PTGIS: variants seen among roughly 807,000 people sequenced by gnomAD.
PTGIS encodes the protein prostacyclin synthase.
A neutral mutation model predicts 50.3 loss-of-function variants in PTGIS; 45 were observed. The ratio of observed to expected loss-of-function variants is 0.90; its 90% CI spans 0.70 to 1.15. The LOEUF is 1.15. PTGIS is among the 50% of genes most tolerant of loss of function. The pLI is 0.00. For missense variants in PTGIS, 668 were observed against 661.3 expected (o/e 1.01, Z -0.11); for synonymous variants, 260 against 267.7 (o/e 0.97, Z 0.28).
intron 6 of PTGIS, among the ~76,000 whole-genome samples, chr20:49,523,702 C>T (rs1408416965): frequency 6.6e-6 from 1 of 152,048 alleles, no homozygotes; most frequent in East Asian, 1.9e-4. Flanking sequence ...TCACTTGAAC[C>T]TGGGAGGCGG....
At chr20:49,564,598 A>G (rs1982850200) in intron 1 of PTGIS, among the ~76,000 whole-genome samples, 1 of 152,184 alleles carries the variant, frequency 6.6e-6, no homozygotes, top group East Asian at 1.9e-4. Context: ...AAATCAAGGT[A>G]TAGGTACATG....
chr20:49,533,040 T>C lies in PTGIS; in HGVS notation c.673+6530A>G, dbSNP rs534468857. Among the ~76,000 whole-genome samples, 119 of 152,326 alleles carry C rather than the reference T, an allele frequency of 7.8e-4. 1 individual carries two copies. The highest frequency in any genetic ancestry group is 2.7e-3 in the African/African-American group (113 of 41,586). On this transcript the variant is annotated intron_variant, in intron 5 of 9. Transcript: ENST00000244043. ...CCCACCAATTTAAACCAGATTGGTG[T>C]ATCTGGTTTAAATCCCAGAGTCCCC...
Position 49,508,068 on chromosome 20 carries a change from CAG to C in PTGIS, c.1359-6_1359-5del. ...CACCAGCACAAGGAACACAAATCTG[CAG>C]AGAGATGGCATGGAAGGTGTGAAGG... On this transcript the variant is annotated splice_polypyrimidine_tract_variant and splice_region_variant and intron_variant, in intron 9 of 9. Coordinates refer to ENST00000244043, the MANE Select transcript of PTGIS (RefSeq NM_000961.4). 6.2e-7 allele frequency: 1 copy of C among 1,613,672 alleles called. No homozygotes were observed. The highest frequency in any genetic ancestry group is 1.3e-5 in the African/African-American group (1 of 75,042).
At chr20:49,560,090 A>AT (rs1483477973) in intron 1 of PTGIS, among the ~76,000 whole-genome samples, 58 of 151,992 alleles carry the variant, frequency 3.8e-4, no homozygotes, top group African/African-American at 1.1e-3. Context: ...CGCCCGGCCA[A>AT]TTTTTTGTAT....
chr20:49,509,535 T>G (rs939505226), intron 9 of PTGIS, among the ~76,000 whole-genome samples: 1 of 152,198 alleles, frequency 6.6e-6, no homozygotes, highest in Non-Finnish European at 1.5e-5. Flanking sequence ...GATTGATATA[T>G]TAGGGCACCA....
chr20:49,520,855 T>G (rs146104886), intron 6 of PTGIS, among the ~76,000 whole-genome samples: 93 of 152,128 alleles, frequency 6.1e-4, no homozygotes, highest in African/African-American at 2.2e-3. Context: ...AATAAGGTAG[T>G]TTTTGCAGAG....
intron 2 of PTGIS, among the ~76,000 whole-genome samples, chr20:49,549,706 G>A (rs1982456049): frequency 6.6e-6 from 1 of 152,202 alleles, no homozygotes; most frequent in Non-Finnish European, 1.5e-5. Flanking sequence ...AGGACGCTTA[G>A]TAGACACCAG....
chr20:49,548,133 A>C, intron 2 of PTGIS, 114 bp from the exon 3 acceptor site: 1 of 969,292 alleles, frequency 1.0e-6, no homozygotes, highest in Non-Finnish European at 1.6e-6. Context: ...GTAACACACT[A>C]TGTTCTCTTA....
At chr20:49,513,648 C>A (rs956797312) in intron 7 of PTGIS, among the ~76,000 whole-genome samples, 1 of 152,192 alleles carries the variant, frequency 6.6e-6, no homozygotes, top group Admixed American at 6.5e-5. Flanking sequence ...AGGGGTTAGA[C>A]TGCTGCTTCT....
chr20:49,507,042 C>T lies in PTGIS; in HGVS notation c.*878G>A, dbSNP rs1367550129. ...GGCATTTTTTTAAGTGAAGTCCAAA[C>T]AAAACACGTCTGCAGACTGGATCGT... On this transcript the variant is annotated 3_prime_UTR_variant, in exon 10 of 10. Transcript: ENST00000244043. 1.3e-5 allele frequency: 2 copies of T among 152,182 alleles called. No homozygotes were observed. The highest frequency in any genetic ancestry group is 1.9e-4 in the East Asian group (1 of 5,198). 9.4% of individuals were successfully genotyped at this position (152,182 alleles called of 1,614,324 possible).
chr20:49,539,530 C>T, intron 5 of PTGIS, 40 bp downstream of exon 5: 1 of 1,603,060 alleles, frequency 6.2e-7, no homozygotes, highest in South Asian at 1.1e-5. Flanking sequence ...TGGGTCTTTC[C>T]ATCCTCCCCC....
At chr20:49,554,241 C>A (rs558447820) in intron 1 of PTGIS, among the ~76,000 whole-genome samples, 10 of 152,156 alleles carry the variant, frequency 6.6e-5, no homozygotes, top group Non-Finnish European at 1.5e-5. Context: ...CAGGTCCTAA[C>A]TGTTGTAGCC....
chr20:49,518,624 C>T (rs1443185144), intron 6 of PTGIS, among the ~76,000 whole-genome samples: 1 of 150,774 alleles, frequency 6.6e-6, no homozygotes, highest in Non-Finnish European at 1.5e-5. Flanking sequence ...CTTTTATAAT[C>T]TAAAATTATT....
chr20:49,561,684 C>G (rs1180140810), intron 1 of PTGIS, among the ~76,000 whole-genome samples: 1 of 152,208 alleles, frequency 6.6e-6, no homozygotes, highest in East Asian at 1.9e-4. Context: ...ACGCTTCTTG[C>G]TGGCTGTGTG....
intron 1 of PTGIS, among the ~76,000 whole-genome samples, chr20:49,560,617 C>T (rs62209224): frequency 0.034 from 5,122 of 152,312 alleles, 107 homozygotes; most frequent in Middle Eastern, 0.058. Context: ...GGAGGGCCTC[C>T]TCAGGAGATG....
chr20:49,562,566 C>T (rs1601207247), intron 1 of PTGIS, among the ~76,000 whole-genome samples: 1 of 152,190 alleles, frequency 6.6e-6, no homozygotes, highest in Non-Finnish European at 1.5e-5. Flanking sequence ...GCCCCACCCA[C>T]GGACACTCTC....
chr20:49,522,038 C>A (rs909688725), intron 6 of PTGIS, among the ~76,000 whole-genome samples: 1 of 151,998 alleles, frequency 6.6e-6, no homozygotes. Context: ...CTGCTCAGAA[C>A]TCTCCCAGGC....
chr20:49,568,116 T>TAG lies in PTGIS; in HGVS notation c.-1_1insCT. On this transcript the variant is annotated 5_prime_UTR_variant, in exon 1 of 10. Transcript: ENST00000244043. ...AGGCCGAGGAGCGCGGCCCAAGCCA[T>TAG]CGCGGGGCTGGCGGGGCTGGCGGGG... 1 of 1,367,978 alleles carries TAG rather than the reference T, an allele frequency of 7.3e-7. No homozygotes were observed. 84.7% of individuals were successfully genotyped at this position (1,367,978 alleles called of 1,614,324 possible). A position where few individuals can be genotyped will look rare whatever the true frequency, so the allele number is the denominator to read the frequency against.
chr20:49,566,384 G>A (rs569837981), intron 1 of PTGIS, among the ~76,000 whole-genome samples: 39 of 152,362 alleles, frequency 2.6e-4, no homozygotes, highest in Non-Finnish European at 5.1e-4. Context: ...GGAGTGAAAA[G>A]AGCAAGCAAC....
Sources: gnomAD v4.1 joint callset for allele counts (sites outside exome capture counted in the v4.1 genomes callset) on GRCh38, gnomAD v4.1.1 for gene constraint, MANE v1.5 for transcripts, NCBI Gene and HGNC (gene_info 2026-07-23, HGNC 2026-07-21) for gene names.